The following SUPT3H variants were observed in gnomAD, a reference collection of about 807,000 sequenced individuals.
SUPT3H encodes SPT3 homolog, SAGA and STAGA complex component.
Under a neutral mutation model 44.3 loss-of-function variants are expected in SUPT3H, and 44 were observed. That is an observed-to-expected ratio of 0.99 (90% CI 0.78 to 1.28). The LOEUF (loss-of-function observed/expected upper bound fraction) is 1.28, where lower values mean the gene tolerates loss of function less well. Ranked by LOEUF, SUPT3H falls within the 50% of genes most tolerant of loss-of-function variation. The pLI is 0.00. For missense variants in SUPT3H, 380 were observed against 387.1 expected (o/e 0.98, Z 0.15); for synonymous variants, 124 against 125.6 (o/e 0.99, Z 0.09).
chr6:45,083,437 G>T (rs542815640), intron 3 of SUPT3H, among the ~76,000 whole-genome samples: 1 of 151,616 alleles, frequency 6.6e-6, no homozygotes, highest in African/African-American at 2.4e-5. Flanking sequence ...TAATCCACCC[G>T]CCTCAGCCTC....
intron 3 of SUPT3H, among the ~76,000 whole-genome samples, chr6:45,032,511 C>T (rs1787098791): frequency 6.6e-6 from 1 of 152,102 alleles, no homozygotes; most frequent in Non-Finnish European, 1.5e-5. Flanking sequence ...AAAAGAGATT[C>T]CACTAATAAC....
intron 2 of SUPT3H, among the ~76,000 whole-genome samples, chr6:45,284,606 C>G (rs1778859069): frequency 6.6e-6 from 1 of 152,122 alleles, no homozygotes; most frequent in East Asian, 1.9e-4. Flanking sequence ...TAATTAATAG[C>G]TTACCAACCA....
chr6:45,301,346 A>G (rs1584796872), intron 2 of SUPT3H, among the ~76,000 whole-genome samples: 1 of 152,232 alleles, frequency 6.6e-6, no homozygotes, highest in East Asian at 1.9e-4. Context: ...GCTCTTTTCC[A>G]TTCCAGCTTT....
intron 2 of SUPT3H, among the ~76,000 whole-genome samples, chr6:45,154,386 G>A (rs6909856): frequency 0.99 from 150,374 of 152,250 alleles, 74,301 homozygotes; most frequent in East Asian, 1. Flanking sequence ...GCTAAGAAAG[G>A]TATCTTATGC....
At chr6:44,925,632 T>G (rs559723633) in intron 10 of SUPT3H, among the ~76,000 whole-genome samples, 1 of 152,228 alleles carries the variant, frequency 6.6e-6, no homozygotes, top group African/African-American at 2.4e-5. Context: ...CTTGAGTAGG[T>G]AACCATGGGT....
chr6:45,336,083 T>C (rs1562973940), intron 2 of SUPT3H, among the ~76,000 whole-genome samples: 2 of 151,376 alleles, frequency 1.3e-5, no homozygotes. Context: ...CCTTTTCACA[T>C]ATTATAAACT....
At chr6:44,952,443 A>G (rs1264386196) in intron 9 of SUPT3H, among the ~76,000 whole-genome samples, 3 of 152,248 alleles carry the variant, frequency 2.0e-5, no homozygotes, top group Admixed American at 2.0e-4. Flanking sequence ...GATATTTAAC[A>G]AGGAGTAGAA....
At chr6:45,027,559 T>C (rs767685540) in intron 3 of SUPT3H, among the ~76,000 whole-genome samples, 2 of 152,202 alleles carry the variant, frequency 1.3e-5, no homozygotes, top group Non-Finnish European at 2.9e-5. Flanking sequence ...TCTGAGATAT[T>C]GTGACTAACA....
intron 2 of SUPT3H, among the ~76,000 whole-genome samples, chr6:45,230,786 C>A (rs1191128409): frequency 6.6e-6 from 1 of 150,490 alleles, no homozygotes; most frequent in African/African-American, 2.4e-5. Context: ...GATTCCCCTG[C>A]CTCAGCCTCC....
chr6:45,152,929 A>G (rs62436778), intron 2 of SUPT3H, among the ~76,000 whole-genome samples: 34,374 of 152,110 alleles, frequency 0.23, 4,577 homozygotes, highest in Non-Finnish European at 0.31. Context: ...CCTCATCTAT[A>G]TATACCTTCT....
At chr6:45,223,959 C>T (rs1766479395) in intron 2 of SUPT3H, among the ~76,000 whole-genome samples, 1 of 149,058 alleles carries the variant, frequency 6.7e-6, no homozygotes, top group Non-Finnish European at 1.5e-5. Flanking sequence ...CAGTAAATTA[C>T]ACCAACAAGC....
At chr6:45,219,546 T>C (rs1345993158) in intron 2 of SUPT3H, among the ~76,000 whole-genome samples, 1 of 152,090 alleles carries the variant, frequency 6.6e-6, no homozygotes, top group East Asian at 1.9e-4. Context: ...AACAAGCCAA[T>C]TCCTTGAAAA....
At chr6:45,306,732 T>C (rs1013374173) in intron 2 of SUPT3H, among the ~76,000 whole-genome samples, 36 of 152,274 alleles carry the variant, frequency 2.4e-4, no homozygotes, top group Middle Eastern at 3.4e-3. Context: ...GGGTGATTTC[T>C]GCATTTCCAA....
At chr6:44,891,424 G>T (rs183317603) in intron 10 of SUPT3H, among the ~76,000 whole-genome samples, 4 of 152,196 alleles carry the variant, frequency 2.6e-5, no homozygotes, top group Admixed American at 2.0e-4. Flanking sequence ...AACCATAAAA[G>T]GGAACAAAAT....
intron 2 of SUPT3H, chr6:45,322,872 G>GTC (rs1401718255): frequency 6.2e-7 from 1 of 1,610,698 alleles, no homozygotes; most frequent in African/African-American, 1.3e-5. Flanking sequence ...GAGAGCCTCT[G>GTC]TCTCACCTGT....
At chr6:44,949,834 G>A (rs1774000905) in intron 9 of SUPT3H, among the ~76,000 whole-genome samples, 1 of 152,190 alleles carries the variant, frequency 6.6e-6, no homozygotes, top group Admixed American at 6.5e-5. Flanking sequence ...TACACTGTTG[G>A]TGGAAGTATA....
intron 10 of SUPT3H, among the ~76,000 whole-genome samples, chr6:44,903,038 G>C (rs1459235341): frequency 1.3e-5 from 2 of 152,042 alleles, no homozygotes; most frequent in African/African-American, 4.8e-5. Flanking sequence ...GCAGTGTGTA[G>C]AGGGAAATTT....
At chr6:45,240,239 C>G (rs980490081) in intron 2 of SUPT3H, among the ~76,000 whole-genome samples, 1 of 152,092 alleles carries the variant, frequency 6.6e-6, no homozygotes, top group African/African-American at 2.4e-5. Flanking sequence ...AGGAGGACCC[C>G]AGCTGTCACA....
rs1269192926 is a variant in SUPT3H at position 44,968,147 on chromosome 6, T to A, written c.505-6319A>T. Among the ~76,000 whole-genome samples, 3 of 152,198 alleles carry A rather than the reference T, an allele frequency of 2.0e-5. No homozygotes were observed. The East Asian group carries it at 5.8e-4, about 29-fold the overall frequency. On this transcript the variant is annotated intron_variant, in intron 6 of 10. Coordinates refer to ENST00000371459, the MANE Select transcript of SUPT3H (RefSeq NM_003599.4). ...ACTCTTAAAAGTCTTACAATTGAAA[T>A]GCAGAGTCCTTTTTGCATGGAAAAG...
Sources: allele counts gnomAD v4.1 joint callset (sites outside exome capture counted in the v4.1 genomes callset), GRCh38; gene constraint gnomAD v4.1.1; transcripts MANE v1.5; gene names NCBI Gene and HGNC (gene_info 2026-07-23, HGNC 2026-07-21).